Variants in WNK1 observed in about 807,000 individuals in gnomAD.
WNK1 encodes WNK lysine deficient protein kinase 1, also known as serine/threonine-protein kinase WNK1.
A neutral mutation model predicts 222.8 loss-of-function variants in WNK1; 38 were observed. The observed-to-expected ratio is 0.17, with a 90% confidence interval of 0.13 to 0.22. The LOEUF (loss-of-function observed/expected upper bound fraction) is 0.22, where lower values mean the gene tolerates loss of function less well. Ranked by LOEUF, WNK1 falls within the 10% of genes least tolerant of loss-of-function variation. WNK1 has a pLI of 1.00. For synonymous variants in WNK1, 1,090 were observed against 1,092.9 expected (o/e 1.00, Z 0.05); for missense variants, 2,348 against 2,918.4 (o/e 0.80, Z 4.50).
intron 1 of WNK1, among the ~76,000 whole-genome samples, chr12:809,875 T>A (rs1946747905): frequency 6.6e-6 from 1 of 152,234 alleles, no homozygotes; most frequent in Non-Finnish European, 1.5e-5. Flanking sequence ...GAAAGCAATG[T>A]TACAAACTGC....
chr12:901,463 G>A, intron 26 of WNK1: 2 of 736,798 alleles, frequency 2.7e-6, no homozygotes, highest in South Asian at 3.6e-5. Context: ...TGCCATCTTA[G>A]TGCATTTCAC....
intron 1 of WNK1, among the ~76,000 whole-genome samples, chr12:800,626 GAATGA>G (rs2153991037): frequency 6.6e-6 from 1 of 152,078 alleles, no homozygotes; most frequent in East Asian, 1.9e-4. Flanking sequence ...TGATATTTAA[GAATGA>G]GGCTTACCAT....
Position 908,050 on chromosome 12 carries a change from GC to G in WNK1, c.6831+18del. 1 of 1,613,710 alleles carries G rather than the reference GC, an allele frequency of 6.2e-7. No individual in the cohort carries two copies. The highest frequency in any genetic ancestry group is 2.2e-5 in the East Asian group (1 of 44,880). ...GAATTACGAGGTAAGTCTCTCTTTT[GC>G]CGCAGAGAATCCGTAACACACATCT... On this transcript the variant is annotated intron_variant, in intron 27 of 27. Transcript: ENST00000315939.
chr12:776,152 G>A (rs1318417555), intron 1 of WNK1, among the ~76,000 whole-genome samples: 1 of 152,010 alleles, frequency 6.6e-6, no homozygotes, highest in African/African-American at 2.4e-5. Flanking sequence ...TTCCCCTTTA[G>A]CCTCCCGAGT....
chr12:821,550 C>A (rs1265832575), intron 2 of WNK1, among the ~76,000 whole-genome samples: 1 of 152,122 alleles, frequency 6.6e-6, no homozygotes, highest in African/African-American at 2.4e-5. Flanking sequence ...TGTCTGTTAC[C>A]TTTTGGTGGT....
At chr12:807,124 G>A (rs1007302313) in intron 1 of WNK1, among the ~76,000 whole-genome samples, 1 of 151,458 alleles carries the variant, frequency 6.6e-6, no homozygotes, top group Non-Finnish European at 1.5e-5. Flanking sequence ...GGGGTGGGGG[G>A]TTGGTGTGGG....
At chr12:865,454 A>G (rs1592082321) in intron 8 of WNK1, 1 of 1,440,366 alleles carries the variant, frequency 6.9e-7, no homozygotes, top group Non-Finnish European at 9.2e-7. Context: ...TGAATAAAGA[A>G]CAGGACTAAA....
At chr12:880,548 A>G (rs1286281297) in intron 11 of WNK1, among the ~76,000 whole-genome samples, 173 bp from the exon 12 acceptor site, 4 of 151,994 alleles carry the variant, frequency 2.6e-5, no homozygotes, top group African/African-American at 9.7e-5. Flanking sequence ...GAACCAGTCT[A>G]CTACTTCATT....
chr12:868,866 C>T, intron 8 of WNK1: 4 of 1,611,546 alleles, frequency 2.5e-6, no homozygotes, highest in East Asian at 2.2e-5. Flanking sequence ...ATAGGAAGCC[C>T]AGAATATTCC....
intron 2 of WNK1, among the ~76,000 whole-genome samples, chr12:824,550 T>C (rs965105973): frequency 6.6e-6 from 1 of 152,146 alleles, no homozygotes; most frequent in African/African-American, 2.4e-5. Context: ...AAAGATATGA[T>C]TCCCTCCTGC....
At chr12:873,234 G>A (rs934912653) in intron 9 of WNK1, among the ~76,000 whole-genome samples, 1 of 151,944 alleles carries the variant, frequency 6.6e-6, no homozygotes, top group African/African-American at 2.4e-5. Context: ...TTGTATTTGG[G>A]GATATGTATG....
intron 1 of WNK1, among the ~76,000 whole-genome samples, chr12:804,134 T>G (rs1946130975): frequency 6.6e-6 from 1 of 152,220 alleles, no homozygotes; most frequent in Non-Finnish European, 1.5e-5. Flanking sequence ...AGTATCTGTA[T>G]CTTCGAAGCT....
chr12:876,028 G>T (rs1260554308), intron 9 of WNK1, among the ~76,000 whole-genome samples: 2 of 152,130 alleles, frequency 1.3e-5, no homozygotes, highest in Non-Finnish European at 2.9e-5. Flanking sequence ...TTTAGAATTG[G>T]CTACATGTGG....
chr12:824,216 CT>C lies in WNK1; in HGVS notation c.933-2808del, dbSNP rs1207566592. ...CAGCCACTGCACCTGGCAGAGACATCTTTTTTTTTTTTTTTTTTGTCCTATC... is the reference window on the plus strand; with the variant it reads ...CAGCCACTGCACCTGGCAGAGACATCTTTTTTTTTTTTTTTTTGTCCTATC... On this transcript the variant is annotated intron_variant, in intron 2 of 27. Transcript: ENST00000315939. 5.7e-3 allele frequency among the ~76,000 whole-genome samples: 714 copies of C among 126,108 alleles called. 2 individuals carry two copies. Among genetic ancestry groups the C allele is most frequent in the South Asian group, 0.022 (83 of 3,798 alleles). 82.7% of individuals were successfully genotyped at this position (126,108 alleles called of 152,430 possible). A position where few individuals can be genotyped will look rare whatever the true frequency, so the allele number is the denominator to read the frequency against.
At chr12:816,926 G>A (rs1947393458) in intron 2 of WNK1, among the ~76,000 whole-genome samples, 1 of 152,044 alleles carries the variant, frequency 6.6e-6, no homozygotes, top group South Asian at 2.1e-4. Flanking sequence ...ATTTGTAAGT[G>A]TATATGAAGT....
chr12:902,983 T>G (rs563080746), intron 26 of WNK1, among the ~76,000 whole-genome samples: 1 of 152,378 alleles, frequency 6.6e-6, no homozygotes, highest in East Asian at 1.9e-4. Flanking sequence ...GCTCAGGCCA[T>G]CACTGTTTCT....
In WNK1 at chr12:884,198, C is replaced by A. The variant is rs1592168824; in HGVS notation, c.3799C>A (p.Arg1267=). 6.2e-7 allele frequency: 1 copy of A among 1,614,088 alleles called. No homozygotes were observed. Among genetic ancestry groups the A allele is most frequent in the East Asian group, 2.2e-5 (1 of 44,870 alleles). ...TATAGTGAGTCCTGTGCCAGAAAGC[C>A]GATTACGAGAATCAAAAGTTTTCCC... is the stretch of plus-strand genomic sequence containing the variant. ...RFIVSPVPES[R]LRESKVFPSE... The change falls in exon 18 of 28, where the codon CGA becomes AGA. Residue 1267 remains arginine (R), a synonymous_variant. Coordinates refer to ENST00000315939, the MANE Select transcript of WNK1 (RefSeq NM_018979.4). The surrounding 1 kb of genome is among the most constrained non-coding windows in gnomAD (Gnocchi z 5.6).
chr12:814,116 G>A (rs1242470329), intron 2 of WNK1, among the ~76,000 whole-genome samples: 1 of 151,080 alleles, frequency 6.6e-6, no homozygotes, highest in African/African-American at 2.5e-5. Flanking sequence ...ATCACCTGAG[G>A]TCAGGAGTTC....
rs1318518629 is a variant in WNK1 at position 884,710 on chromosome 12, T to C, written c.3906T>C (p.Ser1302=). The part of the protein sequence containing the change: ...MNLSHSASSL[S]LQQAFSELRR... ...TGTCTCACTCTGCATCATCCCTTAG[T>C]CTACAACAGGCCTTTTCTGAACTTA... Residue 1302 remains serine, a synonymous_variant, in exon 19 of 28, where the codon AGT becomes AGC. Transcript: ENST00000315939. The surrounding 1 kb of genome is among the most constrained non-coding windows in gnomAD (Gnocchi z 5.6). The C allele has an allele frequency of 5.6e-6, 9 of 1,614,064 alleles. No homozygotes were observed. The highest frequency in any genetic ancestry group is 6.8e-6 in the Non-Finnish European group (8 of 1,180,048).
Sources: gnomAD v4.1 joint callset for allele counts (sites outside exome capture counted in the v4.1 genomes callset) on GRCh38, gnomAD v4.1.1 for gene constraint, Gnocchi (gnomAD v3.1) non-coding constraint, MANE v1.5 for transcripts, NCBI Gene and HGNC (gene_info 2026-07-23, HGNC 2026-07-21) for gene names.